MMRN1: variants seen among roughly 807,000 people sequenced by gnomAD.
MMRN1 encodes multimerin-1.
In MMRN1, 94 loss-of-function variants were observed where a neutral mutation model predicts 100.7. The observed-to-expected ratio is 0.93, with a 90% CI of 0.79 to 1.11. The LOEUF is 1.11. Among genes scored for constraint, MMRN1 ranks in the 50% least tolerant of loss-of-function variants. The pLI, the probability that MMRN1 is intolerant of heterozygous loss-of-function variation, is 0.00. For synonymous variants in MMRN1, 575 were observed against 505.0 expected (o/e 1.14, Z -1.86); for missense variants, 1,606 against 1,439.1 (o/e 1.12, Z -1.88).
Position 89,935,809 on chromosome 4 carries a change from A to T in MMRN1, c.2129A>T (p.Asp710Val), listed in dbSNP as rs142564089. The T allele has an allele frequency of 2.6e-4, 415 of 1,613,236 alleles. 1 individual carries two copies. The highest frequency in any genetic ancestry group is 3.4e-4 in the Non-Finnish European group (399 of 1,179,650). ...CTTAGAAATGAAGTACAGGGTCGTG[A>T]TGATGCCTTAGAAAGACGTATCAAT... ...NLLRNEVQGR[D>V]DALERRINEY... is the part of the protein sequence containing the mutation. The change falls in exon 6 of 8, where the codon GAT (aspartate) becomes GTT (valine). Residue 710 changes from aspartate to valine, a missense_variant. Transcript: ENST00000264790.
chr4:89,943,850 T>A (rs1038380162), intron 6 of MMRN1, among the ~76,000 whole-genome samples: 4 of 151,924 alleles, frequency 2.6e-5, no homozygotes, highest in Non-Finnish European at 4.4e-5. Flanking sequence ...ATTAGCCAGG[T>A]GTAGTGGCAC....
intron 1 of MMRN1, among the ~76,000 whole-genome samples, chr4:89,907,012 C>T (rs1721585335): frequency 6.6e-6 from 1 of 151,320 alleles, no homozygotes; most frequent in Admixed American, 6.6e-5. Flanking sequence ...TGTTTCTGCC[C>T]CACACTCCCT....
At position 89,935,611 on chromosome 4, in the gene MMRN1, A is replaced by G. The variant is rs564612814; in HGVS notation, c.1931A>G (p.Tyr644Cys). The G allele has an allele frequency of 6.2e-7, 1 of 1,613,570 alleles. No individual in the cohort carries two copies. The highest frequency in any genetic ancestry group is 1.1e-5 in the South Asian group (1 of 91,064). ...AGTGAGCAACTAAATGATTTGACTT[A>G]TGATATGGAGATCCTTCAACCCTTG... ...KMSEQLNDLT[Y>C]DMEILQPLLE... Residue 644 changes from tyrosine to cysteine, a missense_variant, in exon 6 of 8, where the codon TAT becomes TGT. Transcript: ENST00000264790.
chr4:89,949,612 G>C (rs760945932), intron 6 of MMRN1, among the ~76,000 whole-genome samples: 1 of 152,162 alleles, frequency 6.6e-6, no homozygotes, highest in Non-Finnish European at 1.5e-5. Context: ...AGGAATGTTA[G>C]CCAGTCGAAA....
intron 1 of MMRN1, among the ~76,000 whole-genome samples, chr4:89,888,996 G>A (rs1322051825): frequency 1.3e-5 from 2 of 151,678 alleles, no homozygotes; most frequent in African/African-American, 4.8e-5. Context: ...TATTGTATGA[G>A]GCATTATGCT....
At chr4:89,909,004 A>G (rs1721656014) in intron 1 of MMRN1, among the ~76,000 whole-genome samples, 1 of 151,466 alleles carries the variant, frequency 6.6e-6, no homozygotes, top group Admixed American at 6.6e-5. Flanking sequence ...GATTTATCTT[A>G]TAGCTAAACT....
At chr4:89,918,357 T>TA (rs1218889176) in intron 3 of MMRN1, among the ~76,000 whole-genome samples, 1 of 151,790 alleles carries the variant, frequency 6.6e-6, no homozygotes, top group Non-Finnish European at 1.5e-5. Flanking sequence ...AGTTATTTTT[T>TA]AAAAAAGTCT....
chr4:89,909,682 C>G (rs780867055), intron 2 of MMRN1, among the ~76,000 whole-genome samples: 2 of 151,354 alleles, frequency 1.3e-5, no homozygotes, highest in Non-Finnish European at 3.0e-5. Context: ...TTTACTATCA[C>G]TATTACTTTT....
At chr4:89,909,065 T>G (rs550107913) in intron 1 of MMRN1, among the ~76,000 whole-genome samples, 1 of 151,612 alleles carries the variant, frequency 6.6e-6, no homozygotes, top group East Asian at 1.9e-4. Flanking sequence ...TATTTTGATC[T>G]TGTTAGTGTT....
rs1560589416 is a variant in MMRN1 at position 89,923,258 on chromosome 4, G to A, written c.941G>A (p.Gly314Asp). 6.2e-7 allele frequency: 1 copy of A among 1,613,814 alleles called. No individual in the cohort carries two copies. The highest frequency in any genetic ancestry group is 8.5e-7 in the Non-Finnish European group (1 of 1,179,752). Reference protein sequence around the residue: ...RGVAEQQQQQGCGDPEVMQKM... With the variant: ...RGVAEQQQQQDCGDPEVMQKM... The stretch of plus-strand genomic sequence containing the variant: ...GTAGCTGAGCAGCAGCAGCAGCAAG[G>A]CTGTGGTGACCCAGGTCATAGATTG... The change falls in exon 4 of 8, where the codon GGC (glycine) becomes GAC (aspartate). Residue 314 changes from glycine to aspartate, a missense_variant. Physicochemically the swap from Gly to Asp is moderately conservative, Grantham distance 94. Transcript: ENST00000264790.
At chr4:89,925,650 T>C (rs1722231212) in intron 4 of MMRN1, among the ~76,000 whole-genome samples, 1 of 151,698 alleles carries the variant, frequency 6.6e-6, no homozygotes, top group Admixed American at 6.6e-5. Flanking sequence ...GCCAACATGG[T>C]GAAACCCTGT....
At position 89,885,042 on chromosome 4, in the gene MMRN1, G is replaced by A. The variant is rs115472334; in HGVS notation, c.-249+5440G>A. ...GCCTTCTATTACTAGTATGCAGATA[G>A]ATTTCAATATAAACTAGTGTTTAGT... is the stretch of plus-strand genomic sequence containing the variant. On this transcript the variant is annotated intron_variant, in intron 1 of 8. Coordinates refer to the MMRN1 transcript ENST00000394980. Among the ~76,000 whole-genome samples, 1,042 of 152,154 alleles carry A rather than the reference G, an allele frequency of 6.8e-3. 12 individuals are homozygous for A. The highest frequency in any genetic ancestry group is 0.024 in the African/African-American group (1,004 of 41,502).
At chr4:89,911,361 T>TTC (rs1180735173) in intron 2 of MMRN1, among the ~76,000 whole-genome samples, 1 of 151,214 alleles carries the variant, frequency 6.6e-6, no homozygotes, top group African/African-American at 2.4e-5. Context: ...ATTACATCCC[T>TTC]TCTCTCTCTC....
At chr4:89,945,954 T>G (rs1026862625) in intron 6 of MMRN1, among the ~76,000 whole-genome samples, 1 of 152,166 alleles carries the variant, frequency 6.6e-6, no homozygotes, top group Non-Finnish European at 1.5e-5. Flanking sequence ...CATCCATCTA[T>G]ACACCAAAGA....
At chr4:89,898,837 C>T (rs911058481) in intron 1 of MMRN1, among the ~76,000 whole-genome samples, 1 of 152,006 alleles carries the variant, frequency 6.6e-6, no homozygotes, top group Non-Finnish European at 1.5e-5. Flanking sequence ...TTTGAATTCC[C>T]CTGTTCACTG....
intron 1 of MMRN1, among the ~76,000 whole-genome samples, chr4:89,905,449 A>G (rs761619934): frequency 6.6e-6 from 1 of 151,520 alleles, no homozygotes; most frequent in Non-Finnish European, 1.5e-5. Context: ...TCATTAATGT[A>G]TTCATATGTT....
Position 89,951,752 on chromosome 4 carries a change from G to GT in MMRN1, c.3265+2dup. The stretch of plus-strand genomic sequence containing the variant: ...GTGGAAGAAAATGCTTTAGCTCCAG[G>GT]TAAAAAAAAAGTATACGCATCTTTG... On this transcript the variant is annotated splice_donor_variant, in intron 7 of 7. Transcript: ENST00000264790. LOFTEE classifies it high-confidence loss of function. 6.2e-7 allele frequency: 1 copy of GT among 1,609,466 alleles called. No individual in the cohort carries two copies. The highest frequency in any genetic ancestry group is 1.3e-5 in the African/African-American group (1 of 74,458).
chr4:89,906,799 C>G (rs1721578283), intron 1 of MMRN1, among the ~76,000 whole-genome samples: 1 of 151,412 alleles, frequency 6.6e-6, no homozygotes, highest in African/African-American at 2.4e-5. Context: ...TTCTAATTTA[C>G]CCTGGATCAA....
chr4:89,951,337 T>C (rs755463015), intron 6 of MMRN1: 68 of 317,914 alleles, frequency 2.1e-4, no homozygotes, highest in Non-Finnish European at 3.3e-4. Context: ...TATTCTGTTC[T>C]GCAGTTGACA....
Sources: allele counts gnomAD v4.1 joint callset (sites outside exome capture counted in the v4.1 genomes callset), GRCh38; gene constraint gnomAD v4.1.1; transcripts MANE v1.5; gene names NCBI Gene and HGNC (gene_info 2026-07-23, HGNC 2026-07-21).